Variants in TBC1D5 observed in about 807,000 individuals in gnomAD.
TBC1D5 encodes the protein TBC1 domain family member 5.
Under a neutral mutation model 100.3 loss-of-function variants are expected in TBC1D5, and 75 were observed. The observed-to-expected ratio is 0.75, with a 90% CI of 0.62 to 0.91. The LOEUF is 0.91. Among genes scored for constraint, TBC1D5 ranks in the 40% least tolerant of loss-of-function variants. TBC1D5 has a pLI of 0.00. For missense variants in TBC1D5, 910 were observed against 942.4 expected (o/e 0.97, Z 0.45); for synonymous variants, 323 against 325.6 (o/e 0.99, Z 0.09).
chr3:17,447,527 A>G (rs1384384655), intron 3 of TBC1D5, among the ~76,000 whole-genome samples: 1 of 152,250 alleles, frequency 6.6e-6, no homozygotes, highest in Non-Finnish European at 1.5e-5. Context: ...ATGTAGTTGC[A>G]GGTAACTCTG....
intron 17 of TBC1D5, among the ~76,000 whole-genome samples, chr3:17,216,983 ACTT>A (rs2073721393): frequency 6.6e-6 from 1 of 152,114 alleles, no homozygotes; most frequent in Non-Finnish European, 1.5e-5. Context: ...TTTTAGAACA[ACTT>A]AATCACTGAG....
intron 1 of TBC1D5, among the ~76,000 whole-genome samples, chr3:17,734,060 T>A (rs2076775651): frequency 6.6e-6 from 1 of 152,108 alleles, no homozygotes. Context: ...GCAATTGTAT[T>A]CACAATAATT....
chr3:17,171,837 A>T (rs1281647396), intron 19 of TBC1D5, among the ~76,000 whole-genome samples: 1 of 152,218 alleles, frequency 6.6e-6, no homozygotes, highest in East Asian at 1.9e-4. Flanking sequence ...GATGAAAAGC[A>T]TCCAGTTCCT....
At chr3:17,465,633 C>T (rs1351851983) in intron 3 of TBC1D5, 1 of 152,240 alleles carries the variant, frequency 6.6e-6, no homozygotes, top group Non-Finnish European at 1.5e-5. Context: ...CAAACACATA[C>T]ACACTTCTTT....
At chr3:17,693,982 A>G (rs1483129402) in intron 1 of TBC1D5, among the ~76,000 whole-genome samples, 2 of 152,216 alleles carry the variant, frequency 1.3e-5, no homozygotes, top group South Asian at 4.1e-4. Flanking sequence ...GCAAACTCCA[A>G]CAGACCTGCA....
intron 2 of TBC1D5, among the ~76,000 whole-genome samples, chr3:17,530,243 CA>C (rs57879135): frequency 0.023 from 1,407 of 59,900 alleles, 11 homozygotes; most frequent in Middle Eastern, 0.056. Context: ...GACTTCGTCT[CA>C]AAAAAAAAAA....
intron 2 of TBC1D5, among the ~76,000 whole-genome samples, chr3:17,619,840 C>T (rs1313098582): frequency 6.6e-6 from 1 of 152,192 alleles, no homozygotes; most frequent in Non-Finnish European, 1.5e-5. Flanking sequence ...AATATCCCTA[C>T]AAAGAACTTC....
intron 2 of TBC1D5, among the ~76,000 whole-genome samples, chr3:17,525,057 C>A (rs902106770): frequency 6.6e-6 from 1 of 151,960 alleles, no homozygotes; most frequent in African/African-American, 2.4e-5. Flanking sequence ...TTTCTGGACA[C>A]ACAAGAAACC....
chr3:17,690,887 C>G (rs1300778098), intron 1 of TBC1D5, among the ~76,000 whole-genome samples: 7 of 152,110 alleles, frequency 4.6e-5, no homozygotes, highest in Admixed American at 3.9e-4. Context: ...TAGACAGGGA[C>G]ACTGCTTTCC....
intron 3 of TBC1D5, among the ~76,000 whole-genome samples, chr3:17,429,558 G>C (rs1160344895): frequency 6.6e-6 from 1 of 151,712 alleles, no homozygotes; most frequent in Non-Finnish European, 1.5e-5. Context: ...AATATACTTT[G>C]AACAACCGAA....
intron 19 of TBC1D5, among the ~76,000 whole-genome samples, 178 bp from the exon 21 acceptor site, chr3:17,168,006 G>C (rs2066810811): frequency 6.6e-6 from 1 of 152,178 alleles, no homozygotes; most frequent in African/African-American, 2.4e-5. Flanking sequence ...GGAGAGGGCA[G>C]CACTGGGCCT....
rs116368684 is a variant in TBC1D5, at chr3:17,580,150, C to T, written c.-36+43699G>A. Among the ~76,000 whole-genome samples the T allele has an allele frequency of 2.8e-3, 420 of 152,190 alleles. 3 individuals are homozygous for T. Among genetic ancestry groups the T allele is most frequent in the Non-Finnish European group, 4.5e-3 (304 of 68,000 alleles). On this transcript the variant is annotated intron_variant, in intron 2 of 21. Transcript: ENST00000253692. ...CTGGTATAAGAAAGGATTTTGATGG[C>T]CCTGTTTCTACTATTAACTGCAGCT...
At chr3:17,514,615 AAT>A (rs2095959083) in intron 2 of TBC1D5, among the ~76,000 whole-genome samples, 1 of 150,426 alleles carries the variant, frequency 6.6e-6, no homozygotes, top group Non-Finnish European at 1.5e-5. Flanking sequence ...AAATATGCAG[AAT>A]ATGAGAGGTT....
intron 2 of TBC1D5, among the ~76,000 whole-genome samples, chr3:17,588,796 T>C (rs538336365): frequency 6.6e-6 from 1 of 152,250 alleles, no homozygotes; most frequent in East Asian, 1.9e-4. Context: ...CTGCCAACAA[T>C]AGTCAGACTA....
At chr3:17,610,216 A>C (rs1317782577) in intron 2 of TBC1D5, among the ~76,000 whole-genome samples, 2 of 152,094 alleles carry the variant, frequency 1.3e-5, no homozygotes, top group African/African-American at 4.8e-5. Context: ...GTAGAGTCTC[A>C]TTCTTTGGCC....
At chr3:17,607,477 T>C (rs2061400585) in intron 2 of TBC1D5, among the ~76,000 whole-genome samples, 1 of 152,146 alleles carries the variant, frequency 6.6e-6, no homozygotes, top group Non-Finnish European at 1.5e-5. Context: ...ATAAATGTTA[T>C]TTTCTTTTTG....
chr3:17,536,654 G>GGGT (rs2096284355), intron 2 of TBC1D5, among the ~76,000 whole-genome samples: 5 of 152,316 alleles, frequency 3.3e-5, no homozygotes, highest in Admixed American at 3.3e-4. Flanking sequence ...TGCAGTGGCT[G>GGGT]GGTTATGGTT....
chr3:17,457,878 G>T (rs969891234), intron 3 of TBC1D5, among the ~76,000 whole-genome samples: 2 of 152,138 alleles, frequency 1.3e-5, no homozygotes, highest in Non-Finnish European at 2.9e-5. Context: ...TAGAAAGTGA[G>T]CTAGGTTTGA....
chr3:17,591,250 A>AAAAAAAAAC (rs2096767946), intron 2 of TBC1D5, among the ~76,000 whole-genome samples: 1 of 137,052 alleles, frequency 7.3e-6, no homozygotes, highest in Non-Finnish European at 1.6e-5. Context: ...AAAAAAAAAA[A>AAAAAAAAAC]AAAAAAAAAA....
Sources: allele counts gnomAD v4.1 joint callset (sites outside exome capture counted in the v4.1 genomes callset), GRCh38; gene constraint gnomAD v4.1.1; transcripts MANE v1.5; gene names NCBI Gene and HGNC (gene_info 2026-07-23, HGNC 2026-07-21).